The following BMP5 variants were observed in gnomAD, a reference collection of about 807,000 sequenced individuals.
BMP5 encodes bone morphogenetic protein 5.
A neutral mutation model predicts 46.6 loss-of-function variants in BMP5; 23 were observed. The observed-to-expected ratio is 0.49, with a 90% confidence interval of 0.35 to 0.70. BMP5 has a LOEUF of 0.70. BMP5 is among the 30% of genes least tolerant of loss of function. The pLI is 0.00. For missense variants in BMP5, 545 were observed against 565.6 expected, an observed-to-expected ratio of 0.96 and a Z score of 0.37; for synonymous variants, 204 against 191.9, an observed-to-expected ratio of 1.06 and a Z score of -0.52.
intron 1 of BMP5, among the ~76,000 whole-genome samples, chr6:55,847,338 C>T (rs1276947911): frequency 1.3e-5 from 2 of 151,886 alleles, no homozygotes; most frequent in Non-Finnish European, 2.9e-5. Context: ...TGTCCTTTTC[C>T]TATCCTGAGA....
At chr6:55,815,759 A>G (rs1776246693) in intron 2 of BMP5, among the ~76,000 whole-genome samples, 1 of 152,200 alleles carries the variant, frequency 6.6e-6, no homozygotes, top group African/African-American at 2.4e-5. Context: ...CTAAGCATCA[A>G]TATCCATAAA....
chr6:55,831,527 A>G (rs1231756731), intron 1 of BMP5, among the ~76,000 whole-genome samples: 1 of 152,156 alleles, frequency 6.6e-6, no homozygotes, highest in Non-Finnish European at 1.5e-5. Context: ...AGTCAATGCT[A>G]AAACATCTCT....
chr6:55,761,192 C>A (rs1213328193), intron 4 of BMP5, among the ~76,000 whole-genome samples: 1 of 151,964 alleles, frequency 6.6e-6, no homozygotes, highest in Non-Finnish European at 1.5e-5. Context: ...ACACTATCTT[C>A]AATAAGTCCA....
intron 3 of BMP5, among the ~76,000 whole-genome samples, chr6:55,790,994 T>C (rs1775562695): frequency 6.6e-6 from 1 of 152,236 alleles, no homozygotes; most frequent in Non-Finnish European, 1.5e-5. Context: ...AATAATTATA[T>C]GTTGGACAAA....
intron 1 of BMP5, among the ~76,000 whole-genome samples, chr6:55,851,946 G>T (rs1050095442): frequency 6.6e-6 from 1 of 152,120 alleles, no homozygotes; most frequent in African/African-American, 2.4e-5. Context: ...CAAGAAAGTT[G>T]AAGATCCTTC....
intron 2 of BMP5, among the ~76,000 whole-genome samples, chr6:55,799,175 G>T (rs1775785702): frequency 6.6e-6 from 1 of 152,084 alleles, no homozygotes; most frequent in African/African-American, 2.4e-5. Context: ...TAAAATGTTT[G>T]ATCAAGACCA....
chr6:55,868,677 C>A (rs560410423), intron 1 of BMP5, among the ~76,000 whole-genome samples: 1 of 152,222 alleles, frequency 6.6e-6, no homozygotes, highest in Admixed American at 6.5e-5. Context: ...CTCATACAAA[C>A]TAGGTGTTAC....
chr6:55,765,931 C>T (rs930050118), intron 4 of BMP5, among the ~76,000 whole-genome samples: 12 of 152,110 alleles, frequency 7.9e-5, no homozygotes, highest in Non-Finnish European at 1.5e-4. Flanking sequence ...TGCTAGACAC[C>T]TCTAAAGGAC....
intron 2 of BMP5, among the ~76,000 whole-genome samples, chr6:55,813,729 G>A (rs2127536250): frequency 6.6e-6 from 1 of 150,864 alleles, no homozygotes; most frequent in East Asian, 2.0e-4. Flanking sequence ...GGAGCTTGCA[G>A]TGAGCAGAGA....
chr6:55,804,033 TA>T (rs1369828162), intron 2 of BMP5, among the ~76,000 whole-genome samples: 1 of 152,204 alleles, frequency 6.6e-6, no homozygotes, highest in East Asian at 1.9e-4. Context: ...CTATAATAAA[TA>T]TCTTATTCCT....
intron 1 of BMP5, among the ~76,000 whole-genome samples, chr6:55,855,751 C>T (rs1777378416): frequency 6.6e-6 from 1 of 152,112 alleles, no homozygotes; most frequent in African/African-American, 2.4e-5. Context: ...ATTTATCATA[C>T]AGTTCTTTGG....
chr6:55,781,330 T>C (rs956102743), intron 3 of BMP5, among the ~76,000 whole-genome samples: 8 of 152,162 alleles, frequency 5.3e-5, no homozygotes, highest in Non-Finnish European at 1.2e-4. Flanking sequence ...AAGAATCTTT[T>C]CCTTCAGAAG....
rs141217838 is a variant in BMP5 at position 55,796,386 on chromosome 6, C to A, written c.684-1959G>T. Among the ~76,000 whole-genome samples the A allele has an allele frequency of 2.0e-4, 30 of 152,088 alleles. No homozygotes were observed. The South Asian group carries it at 5.0e-3, about 25-fold the overall frequency. On this transcript the variant is annotated intron_variant, in intron 2 of 6. Coordinates refer to ENST00000370830, the MANE Select transcript of BMP5 (RefSeq NM_021073.4). ...GCCATCTCTTCAGGAAAAAAAAATT[C>A]TCCAAACTCTCCATGTTCAAATCCC...
In BMP5 at chr6:55,838,522, C is replaced by T. The variant is rs573389040; in HGVS notation, c.491-18675G>A. Among the ~76,000 whole-genome samples the T allele has an allele frequency of 7.4e-3, 1,125 of 152,060 alleles. 10 individuals carry two copies. Among genetic ancestry groups the T allele is most frequent in the Non-Finnish European group, 9.9e-3 (675 of 67,958 alleles). On this transcript the variant is annotated intron_variant, in intron 1 of 6. Coordinates refer to ENST00000370830, the MANE Select transcript of BMP5 (RefSeq NM_021073.4). ...TTTTTCCTATAGAGTTGTTTGAGCT[C>T]CTTATATATTCTGGCCATTAATCCC...
At chr6:55,763,902 AG>A (rs1774845608) in intron 4 of BMP5, among the ~76,000 whole-genome samples, 2 of 152,166 alleles carry the variant, frequency 1.3e-5, no homozygotes, top group Admixed American at 6.5e-5. Flanking sequence ...GATTTTCTTT[AG>A]TTTGATTCTT....
chr6:55,819,589 T>A (rs1382145787), intron 2 of BMP5, 66 bp downstream of exon 2: 4 of 1,299,942 alleles, frequency 3.1e-6, no homozygotes, highest in Non-Finnish European at 4.4e-6. Context: ...ACATGAGTTA[T>A]CAATGGCTTT....
chr6:55,772,317 G>A (rs1312078213), intron 4 of BMP5, among the ~76,000 whole-genome samples: 1 of 151,804 alleles, frequency 6.6e-6, no homozygotes, highest in Non-Finnish European at 1.5e-5. Flanking sequence ...TTAACCAATA[G>A]GGAAAAGGAC....
At chr6:55,768,795 C>T (rs1181442865) in intron 4 of BMP5, among the ~76,000 whole-genome samples, 1 of 151,886 alleles carries the variant, frequency 6.6e-6, no homozygotes, top group Non-Finnish European at 1.5e-5. Flanking sequence ...AGGCATATGT[C>T]AGAGACATTT....
At chr6:55,815,324 T>A (rs1776233571) in intron 2 of BMP5, among the ~76,000 whole-genome samples, 1 of 152,138 alleles carries the variant, frequency 6.6e-6, no homozygotes, top group African/African-American at 2.4e-5. Flanking sequence ...CAATAGCAGA[T>A]GTTCAAAAAT....
Sources: allele counts gnomAD v4.1 joint callset (sites outside exome capture counted in the v4.1 genomes callset), GRCh38; gene constraint gnomAD v4.1.1; transcripts MANE v1.5; gene names NCBI Gene and HGNC (gene_info 2026-07-23, HGNC 2026-07-21).